The following LPAR3 variants were observed in gnomAD, a reference collection of about 807,000 sequenced individuals.
LPAR3 encodes lysophosphatidic acid receptor 3.
Under a neutral mutation model 17.8 loss-of-function variants are expected in LPAR3, and 7 were observed. The ratio of observed to expected loss-of-function variants is 0.39; its 90% confidence interval spans 0.22 to 0.74. LPAR3 has a LOEUF of 0.74. LPAR3 is among the 30% of genes least tolerant of loss of function. LPAR3 has a pLI of 0.40. For synonymous variants in LPAR3, 179 were observed against 179.9 expected, an observed-to-expected ratio of 0.99 and a Z score of 0.04; for missense variants, 391 against 453.4, an observed-to-expected ratio of 0.86 and a Z score of 1.25.
chr1:84,892,639 A>C (rs569092340), intron 1 of LPAR3, among the ~76,000 whole-genome samples: 1 of 152,264 alleles, frequency 6.6e-6, no homozygotes, highest in Admixed American at 6.5e-5. Context: ...TTTCCTAATC[A>C]CCATCGATGG....
intron 2 of LPAR3, among the ~76,000 whole-genome samples, chr1:84,854,063 A>G (rs1302273099): frequency 6.6e-6 from 1 of 152,170 alleles, no homozygotes; most frequent in Non-Finnish European, 1.5e-5. Flanking sequence ...GATATCTGAC[A>G]ATGAAGTCCA....
chr1:84,844,123 A>G (rs1659554980), intron 2 of LPAR3, among the ~76,000 whole-genome samples: 2 of 152,248 alleles, frequency 1.3e-5, no homozygotes, highest in South Asian at 4.1e-4. Flanking sequence ...GGGCCTAAAC[A>G]GGGCCTGGCC....
At chr1:84,847,584 CCCCCTGT>C in intron 2 of LPAR3, among the ~76,000 whole-genome samples, 1 of 152,296 alleles carries the variant, frequency 6.6e-6, no homozygotes, top group South Asian at 2.1e-4. Context: ...ATCTGAAGAC[CCCCCTGT>C]CCTCAGCTGT....
chr1:84,823,050 G>A (rs1246542922), intron 2 of LPAR3, among the ~76,000 whole-genome samples: 1 of 152,110 alleles, frequency 6.6e-6, no homozygotes, highest in Non-Finnish European at 1.5e-5. Flanking sequence ...AAGCCGCAGG[G>A]CCATCTGATT....
chr1:84,815,291 C>G (rs1017573487), intron 2 of LPAR3, among the ~76,000 whole-genome samples: 1 of 152,140 alleles, frequency 6.6e-6, no homozygotes, highest in Non-Finnish European at 1.5e-5. Context: ...CGGCGAATGT[C>G]CTTGTCATTT....
chr1:84,818,957 G>A (rs909030740), intron 2 of LPAR3, among the ~76,000 whole-genome samples: 3 of 149,710 alleles, frequency 2.0e-5, no homozygotes, highest in South Asian at 4.3e-4. Flanking sequence ...CTCTTTTTTC[G>A]TATTGAGATC....
intron 1 of LPAR3, 100 bp downstream of exon 1, chr1:84,892,916 C>T (rs944497713): frequency 5.2e-5 from 8 of 152,446 alleles, no homozygotes; most frequent in African/African-American, 1.9e-4. Flanking sequence ...AAGCCGCAGG[C>T]TAGAGCCCTG....
At chr1:84,830,926 C>T (rs752084365) in intron 2 of LPAR3, among the ~76,000 whole-genome samples, 3 of 152,100 alleles carry the variant, frequency 2.0e-5, no homozygotes, top group Non-Finnish European at 4.4e-5. Flanking sequence ...AATTCTGTTC[C>T]CAAGCTTTGC....
At chr1:84,872,980 C>A (rs1660183691) in intron 1 of LPAR3, among the ~76,000 whole-genome samples, 1 of 152,154 alleles carries the variant, frequency 6.6e-6, no homozygotes, top group Non-Finnish European at 1.5e-5. Context: ...CCAGGCTAAT[C>A]ATGAGAAAAA....
At chr1:84,892,653 T>C (rs531559106) in intron 1 of LPAR3, among the ~76,000 whole-genome samples, 4 of 152,174 alleles carry the variant, frequency 2.6e-5, no homozygotes, top group African/African-American at 4.8e-5. Flanking sequence ...TCGATGGCAA[T>C]GAGACTGAGT....
At chr1:84,839,109 T>C (rs1319824065) in intron 2 of LPAR3, among the ~76,000 whole-genome samples, 1 of 152,212 alleles carries the variant, frequency 6.6e-6, no homozygotes, top group East Asian at 1.9e-4. Flanking sequence ...GAGGTAGGTA[T>C]TATCATGGTC....
intron 2 of LPAR3, among the ~76,000 whole-genome samples, chr1:84,850,914 A>ACCAG (rs889456797): frequency 3.3e-5 from 5 of 152,228 alleles, no homozygotes; most frequent in Non-Finnish European, 5.9e-5. Context: ...GTCTGGGTGG[A>ACCAG]CCAGCCCAGA....
intron 2 of LPAR3, among the ~76,000 whole-genome samples, chr1:84,864,863 C>T (rs1402221036): frequency 6.6e-6 from 1 of 152,180 alleles, no homozygotes; most frequent in East Asian, 1.9e-4. Context: ...AGTAGCCCAT[C>T]CCCTACCCCA....
intron 1 of LPAR3, among the ~76,000 whole-genome samples, chr1:84,888,964 G>T (rs1660505839): frequency 6.6e-6 from 1 of 152,160 alleles, no homozygotes; most frequent in Non-Finnish European, 1.5e-5. Context: ...GTGACACCCA[G>T]TCTGGCCCAG....
At chr1:84,822,935 A>C (rs1196946367) in intron 2 of LPAR3, among the ~76,000 whole-genome samples, 1 of 152,196 alleles carries the variant, frequency 6.6e-6, no homozygotes, top group Non-Finnish European at 1.5e-5. Context: ...ATGGACTACT[A>C]ATTTCATCAC....
At chr1:84,840,099 T>C (rs1659479404) in intron 2 of LPAR3, among the ~76,000 whole-genome samples, 6 of 152,126 alleles carry the variant, frequency 3.9e-5, no homozygotes, top group Admixed American at 3.9e-4. Context: ...ATTTATTTAT[T>C]TATTTGTAGA....
At chr1:84,844,228 C>A (rs1168877110) in intron 2 of LPAR3, among the ~76,000 whole-genome samples, 1 of 152,216 alleles carries the variant, frequency 6.6e-6, no homozygotes, top group East Asian at 1.9e-4. Flanking sequence ...ACTGCCCTGT[C>A]AGCTTTAATT....
intron 1 of LPAR3, among the ~76,000 whole-genome samples, chr1:84,882,499 C>T (rs1156879043): frequency 1.3e-5 from 2 of 152,138 alleles, no homozygotes. Flanking sequence ...TAAAATTCAT[C>T]TGGAACTACA....
At chr1:84,825,778 C>T (rs901099087) in intron 2 of LPAR3, among the ~76,000 whole-genome samples, 2 of 152,148 alleles carry the variant, frequency 1.3e-5, no homozygotes, top group Admixed American at 6.5e-5. Context: ...CCCAGGAGGC[C>T]GGGCCTACTA....
Sources: gnomAD v4.1 joint callset for allele counts (sites outside exome capture counted in the v4.1 genomes callset) on GRCh38, gnomAD v4.1.1 for gene constraint, MANE v1.5 for transcripts, NCBI Gene and HGNC (gene_info 2026-07-23, HGNC 2026-07-21) for gene names.